Variants in TJP1 observed in about 807,000 individuals in gnomAD.
TJP1 encodes the protein tight junction protein ZO-1.
In TJP1, 43 loss-of-function variants were observed where a neutral mutation model predicts 194.2. That is an observed-to-expected ratio of 0.22 (90% CI 0.17 to 0.29). The LOEUF (loss-of-function observed/expected upper bound fraction) is 0.29. Ranked by LOEUF, TJP1 falls within the 10% of genes least tolerant of loss-of-function variation. TJP1 has a pLI of 1.00. For missense variants in TJP1, 1,971 were observed against 2,185.7 expected, an observed-to-expected ratio of 0.90 and a Z score of 1.96; for synonymous variants, 801 against 779.0, an observed-to-expected ratio of 1.03 and a Z score of -0.47.
chr15:29,777,274 G>A (rs2047076101), intron 2 of TJP1, among the ~76,000 whole-genome samples: 1 of 152,132 alleles, frequency 6.6e-6, no homozygotes, highest in African/African-American at 2.4e-5. Context: ...CCCCTGCCTT[G>A]ATTTGGGCTA....
chr15:29,930,556 C>A (rs1354542128), intron 2 of TJP1, among the ~76,000 whole-genome samples: 7 of 152,188 alleles, frequency 4.6e-5, no homozygotes, highest in Non-Finnish European at 7.3e-5. Context: ...ACCTGGCAAA[C>A]CAAGACCAAC....
intron 1 of TJP1, among the ~76,000 whole-genome samples, chr15:29,966,749 GA>G (rs1190211891): frequency 1.3e-5 from 2 of 152,064 alleles, no homozygotes; most frequent in Non-Finnish European, 2.9e-5. Context: ...GAATATATAT[GA>G]AAAATAAGTA....
intron 2 of TJP1, among the ~76,000 whole-genome samples, chr15:29,953,298 C>T (rs28528707): frequency 0.24 from 36,264 of 151,752 alleles, 4,619 homozygotes; most frequent in African/African-American, 0.31. Flanking sequence ...CCTGCCACCA[C>T]GCCCAGCTAA....
chr15:29,950,152 C>T (rs1230418708), intron 2 of TJP1, among the ~76,000 whole-genome samples: 4 of 123,982 alleles, frequency 3.2e-5, no homozygotes, highest in Non-Finnish European at 6.7e-5. Context: ...CAACCACCAC[C>T]TCCACCACCA....
intron 2 of TJP1, among the ~76,000 whole-genome samples, chr15:29,836,462 G>A (rs1193841410): frequency 2.0e-5 from 3 of 151,198 alleles, no homozygotes; most frequent in East Asian, 1.9e-4. Context: ...TAGTAGAGAC[G>A]GGGTTTCACC....
chr15:29,731,504 T>C (rs1275555055), intron 15 of TJP1, among the ~76,000 whole-genome samples: 1 of 152,192 alleles, frequency 6.6e-6, no homozygotes, highest in Non-Finnish European at 1.5e-5. Context: ...ATTGTGGATC[T>C]TCAGATAAAT....
intron 8 of TJP1, 91 bp from the exon 9 acceptor site, chr15:29,742,872 T>G: frequency 8.4e-7 from 1 of 1,183,810 alleles, no homozygotes. Context: ...CAATGCAACT[T>G]CAAAAACAAT....
intron 25 of TJP1, among the ~76,000 whole-genome samples, chr15:29,706,682 A>G (rs889372699): frequency 1.3e-5 from 2 of 152,042 alleles, no homozygotes; most frequent in African/African-American, 2.4e-5. Context: ...GTTTTTTGAA[A>G]TGGAGTGTCT....
chr15:29,703,726 T>G (rs563509389), intron 27 of TJP1, among the ~76,000 whole-genome samples: 52 of 152,142 alleles, frequency 3.4e-4, no homozygotes, highest in African/African-American at 1.2e-3. Context: ...CACTGCAATC[T>G]CCGCCTCCCT....
rs1465263638 is a variant in TJP1 at position 29,710,908 on chromosome 15, G to A, written c.4295C>T (p.Pro1432Leu). The A allele has an allele frequency of 1.2e-6, 2 of 1,614,182 alleles. No individual in the cohort carries two copies. Among genetic ancestry groups the A allele is most frequent in the South Asian group, 2.2e-5 (2 of 91,078 alleles). Residue 1432 changes from proline (P) to leucine (L), a missense_variant, in exon 24 of 28, where the codon CCC (proline) becomes CTC (leucine). Pro to Leu is a moderately conservative substitution (Grantham distance 98). Around this residue, in one of 5 missense-constraint regions of TJP1, gnomAD observed 1,108 missense variants for 1,128.5 expected, o/e 0.98. Coordinates refer to ENST00000614355, the MANE Select transcript of TJP1 (RefSeq NM_001330239.4). ...CTGAGATGGCTGGGCATACTGCGAG[G>A]GCAATGGAGGAGGAGGGGGAGTGGC... The part of the protein sequence containing the change: ...IQATPPPPPL[P>L]SQYAQPSQPV...
chr15:29,724,154 G>C (rs575449639), intron 18 of TJP1, among the ~76,000 whole-genome samples: 34 of 152,200 alleles, frequency 2.2e-4, no homozygotes, highest in Non-Finnish European at 4.4e-4. Context: ...CAGTCCCCAT[G>C]CTTGGCTCGT....
intron 9 of TJP1, 77 bp downstream of exon 9, chr15:29,742,565 A>T: frequency 2.1e-6 from 3 of 1,399,930 alleles, no homozygotes; most frequent in Non-Finnish European, 2.8e-6. Context: ...TGCATCTTTA[A>T]AATCTTCTGT....
intron 2 of TJP1, among the ~76,000 whole-genome samples, chr15:29,951,457 C>T (rs929102390): frequency 1.3e-5 from 2 of 151,946 alleles, no homozygotes; most frequent in Non-Finnish European, 1.5e-5. Flanking sequence ...CATGAACCTC[C>T]GTGCCTGGCC....
At chr15:29,918,972 C>T (rs78280705) in intron 2 of TJP1, among the ~76,000 whole-genome samples, 1,709 of 152,196 alleles carry the variant, frequency 0.011, 35 homozygotes, top group African/African-American at 0.039. Context: ...ATTCAAAGGG[C>T]CTTCCAAGAG....
chr15:29,898,211 G>A (rs2053535447), intron 2 of TJP1, among the ~76,000 whole-genome samples: 1 of 152,174 alleles, frequency 6.6e-6, no homozygotes, highest in African/African-American at 2.4e-5. Flanking sequence ...TCTTGTGATA[G>A]TGAATGAGTC....
chr15:29,801,828 A>C (rs1276719354), intron 1 of TJP1, among the ~76,000 whole-genome samples: 1 of 152,102 alleles, frequency 6.6e-6, no homozygotes, highest in Non-Finnish European at 1.5e-5. Flanking sequence ...ACTTGAAAGA[A>C]GAAGAATTGT....
intron 2 of TJP1, among the ~76,000 whole-genome samples, chr15:29,836,012 C>T (rs1224065145): frequency 6.6e-6 from 1 of 152,122 alleles, no homozygotes; most frequent in East Asian, 1.9e-4. Context: ...ACTTCATACT[C>T]CCTTTGTCTC....
chr15:29,922,281 G>C (rs2054390475), intron 2 of TJP1, among the ~76,000 whole-genome samples: 1 of 152,150 alleles, frequency 6.6e-6, no homozygotes, highest in East Asian at 1.9e-4. Flanking sequence ...CTAGGAGTTT[G>C]AGACCAGCCT....
At chr15:29,870,678 T>C (rs185089296) in intron 2 of TJP1, among the ~76,000 whole-genome samples, 38 of 152,318 alleles carry the variant, frequency 2.5e-4, no homozygotes, top group African/African-American at 8.9e-4. Flanking sequence ...TTTTACATAA[T>C]GTGCCCTTAT....
Sources: allele counts gnomAD v4.1 joint callset (sites outside exome capture counted in the v4.1 genomes callset), GRCh38; gene constraint gnomAD v4.1.1; regional missense constraint gnomAD v4.1.1; transcripts MANE v1.5; gene names NCBI Gene and HGNC (gene_info 2026-07-23, HGNC 2026-07-21).